Variants in FMN2 observed in about 807,000 individuals in gnomAD.
FMN2 encodes the protein formin 2.
A neutral mutation model predicts 142.3 loss-of-function variants in FMN2; 51 were observed. That is an observed-to-expected ratio of 0.36 (90% CI 0.29 to 0.45). The LOEUF is 0.45. Ranked by LOEUF, FMN2 falls within the 20% of genes least tolerant of loss-of-function variation. The pLI is 1.00. For missense variants in FMN2, 1,936 were observed against 2,122.8 expected (o/e 0.91, Z 1.73); for synonymous variants, 882 against 869.8 (o/e 1.01, Z -0.25).
chr1:240,224,902 A>C (rs1667245019), intron 6 of FMN2, among the ~76,000 whole-genome samples: 1 of 152,156 alleles, frequency 6.6e-6, no homozygotes, highest in South Asian at 2.1e-4. Flanking sequence ...ATGGTGAATG[A>C]GGGGTCTGGT....
intron 14 of FMN2, among the ~76,000 whole-genome samples, chr1:240,361,134 T>TAAATAAATAA (rs1423782751): frequency 3.0e-3 from 55 of 18,134 alleles, no homozygotes; most frequent in African/African-American, 0.022. Flanking sequence ...AATAAATAAA[T>TAAATAAATAA]ATATGTGTAT....
At position 240,092,815 on chromosome 1, in the gene FMN2, C is replaced by T. The variant is rs745532786; in HGVS notation, c.706C>T (p.Pro236Ser). 3 of 1,577,678 alleles carry T rather than the reference C, an allele frequency of 1.9e-6. No homozygotes were observed. Among genetic ancestry groups the T allele is most frequent in the Non-Finnish European group, 8.6e-7 (1 of 1,162,814 alleles). ...GGGCGCCGAGGAGCCTGCAGCGCCC[C>T]CCACTGCCGTCTCCCCTCAGCCCGG... The part of the protein sequence containing the change: ...LQGAEEPAAP[P>S]TAVSPQPGAF... Residue 236 changes from proline to serine, a missense_variant, in exon 1 of 18, where the codon CCC becomes TCC. Pro to Ser is a moderately conservative substitution (Grantham distance 74). Transcript: ENST00000319653.
chr1:240,207,150 A>C lies in FMN2; in HGVS notation c.2338A>C (p.Lys780Gln), dbSNP rs1470881351. 2 of 1,614,050 alleles carry C rather than the reference A, an allele frequency of 1.2e-6. No individual in the cohort carries two copies. The highest frequency in any genetic ancestry group is 1.3e-5 in the African/African-American group (1 of 75,008). ...PPGAESGPQTKFCSEISLIVS... is the reference protein window; with the variant it reads ...PPGAESGPQTQFCSEISLIVS... ...TGGGGCTGAAAGTGGACCTCAGACA[A>C]AGTTCTGTTCAGAGATTTCTTTGAT... The change falls in exon 5 of 18, where the codon AAG becomes CAG. Residue 780 changes from lysine (K) to glutamine (Q), a missense_variant. Lys to Gln is a moderately conservative substitution (Grantham distance 53). This residue lies in a region of FMN2 where 478 missense variants were observed against 462.8 expected (regional missense o/e 1.03). Transcript: ENST00000319653.
At chr1:240,365,919 G>T (rs1244544338) in intron 14 of FMN2, among the ~76,000 whole-genome samples, 1 of 151,986 alleles carries the variant, frequency 6.6e-6, no homozygotes, top group East Asian at 1.9e-4. Flanking sequence ...TAACAACTGA[G>T]CACTCTGCTT....
In FMN2 at chr1:240,341,695, T is replaced by C. The variant is rs145458968; in HGVS notation, c.4765+7466T>C. ...TTCTGACCCCCAAAATCATTCACTG[T>C]CTTTTGATTTTTTTTCAATTGCTTT... On this transcript the variant is annotated intron_variant, in intron 13 of 17. Coordinates refer to ENST00000319653, the MANE Select transcript of FMN2 (RefSeq NM_020066.5). Among the ~76,000 whole-genome samples the C allele has an allele frequency of 1.5e-3, 231 of 152,192 alleles. 5 individuals are homozygous for C. In the South Asian group the frequency reaches 0.04, roughly 26 times the overall value.
intron 16 of FMN2, among the ~76,000 whole-genome samples, chr1:240,448,150 G>C (rs1463628983): frequency 6.6e-6 from 1 of 152,134 alleles, no homozygotes; most frequent in Non-Finnish European, 1.5e-5. Context: ...TTAGCTAACA[G>C]AATTTGGGAG....
chr1:240,271,098 G>GCTTTTTTTTTTTTT (rs1233218686), intron 7 of FMN2, among the ~76,000 whole-genome samples: 2 of 72,244 alleles, frequency 2.8e-5, no homozygotes, highest in African/African-American at 1.3e-4. Context: ...TTCCACGATG[G>GCTTTTTTTTTTTTT]TTTTTTTTTT....
intron 4 of FMN2, among the ~76,000 whole-genome samples, chr1:240,193,192 A>G (rs554527153): frequency 3.9e-5 from 6 of 152,280 alleles, no homozygotes; most frequent in East Asian, 1.9e-4. Context: ...AGCTAATCCA[A>G]TGGGGGTCGT....
intron 2 of FMN2, among the ~76,000 whole-genome samples, chr1:240,147,614 C>T (rs1663546247): frequency 6.6e-6 from 1 of 152,104 alleles, no homozygotes; most frequent in Non-Finnish European, 1.5e-5. Flanking sequence ...CACCTGGGCC[C>T]CCCAAAGTGC....
chr1:240,167,652 A>G (rs962359063), intron 2 of FMN2, among the ~76,000 whole-genome samples: 7 of 152,226 alleles, frequency 4.6e-5, no homozygotes, highest in Admixed American at 4.6e-4. Context: ...TGGCTATGTT[A>G]TAGTGCTGTG....
At chr1:240,257,835 C>T (rs529718458) in intron 6 of FMN2, 110 bp from the exon 7 acceptor site, 36 of 860,758 alleles carry the variant, frequency 4.2e-5, no homozygotes, top group Non-Finnish European at 6.3e-5. Context: ...TAGGTAATGA[C>T]GTGAGATCTT....
intron 2 of FMN2, among the ~76,000 whole-genome samples, chr1:240,146,109 A>G (rs1298486922): frequency 6.6e-6 from 1 of 151,722 alleles, no homozygotes. Context: ...GGCTCAGTGG[A>G]TCAGTGGATC....
intron 6 of FMN2, among the ~76,000 whole-genome samples, chr1:240,238,682 A>G (rs1357646139): frequency 6.6e-6 from 1 of 152,208 alleles, no homozygotes; most frequent in East Asian, 1.9e-4. Flanking sequence ...TACGTTGGAA[A>G]TCTACTTCAT....
chr1:240,145,251 C>A (rs1663393846), intron 2 of FMN2: 1 of 1,476,388 alleles, frequency 6.8e-7, no homozygotes, highest in African/African-American at 1.4e-5. Flanking sequence ...AGCTCCTGTT[C>A]TTTGTCCTTG....
At chr1:240,132,542 G>T (rs1662781669) in intron 2 of FMN2, among the ~76,000 whole-genome samples, 1 of 152,138 alleles carries the variant, frequency 6.6e-6, no homozygotes, top group South Asian at 2.1e-4. Context: ...GAAGCTCAGG[G>T]TGTTGGCTGG....
chr1:240,463,050 G>A (rs73130288), intron 16 of FMN2, among the ~76,000 whole-genome samples: 165 of 152,294 alleles, frequency 1.1e-3, no homozygotes, highest in African/African-American at 3.8e-3. Flanking sequence ...GGGAGATTAG[G>A]TGAGTTGGAG....
chr1:240,145,319 G>A (rs1022814448), intron 2 of FMN2: 14 of 1,123,052 alleles, frequency 1.2e-5, no homozygotes, highest in Admixed American at 1.2e-4. Context: ...GCTGAGGGCC[G>A]CCGCTGGGGG....
At chr1:240,213,671 T>C (rs138853830) in intron 6 of FMN2, among the ~76,000 whole-genome samples, 94 of 152,376 alleles carry the variant, frequency 6.2e-4, no homozygotes, top group African/African-American at 2.2e-3. Context: ...TAGCCTTTAA[T>C]GCCGTGGCAT....
At chr1:240,254,821 G>T (rs1404028913) in intron 6 of FMN2, among the ~76,000 whole-genome samples, 1 of 152,138 alleles carries the variant, frequency 6.6e-6, no homozygotes, top group African/African-American at 2.4e-5. Flanking sequence ...AGGATATCAG[G>T]GGAGCCCCGG....
Sources: gnomAD v4.1 joint callset for allele counts (sites outside exome capture counted in the v4.1 genomes callset) on GRCh38, gnomAD v4.1.1 for gene constraint, gnomAD v4.1.1 regional missense constraint, MANE v1.5 for transcripts, NCBI Gene and HGNC (gene_info 2026-07-23, HGNC 2026-07-21) for gene names.